The following CTBP2 variants were observed in gnomAD, a reference collection of about 807,000 sequenced individuals.
CTBP2 encodes the protein C-terminal binding protein 2, also known as C-terminal-binding protein 2.
CTBP2 carries 30 observed loss-of-function variants against 80.3 expected under a neutral mutation model. The ratio of observed to expected loss-of-function variants is 0.37; its 90% CI spans 0.28 to 0.51. The LOEUF (loss-of-function observed/expected upper bound fraction) is 0.51. CTBP2 is among the 20% of genes least tolerant of loss of function. The pLI, the probability that CTBP2 is intolerant of heterozygous loss-of-function variation, is 0.93. For missense variants in CTBP2, 1,212 were observed against 1,375.3 expected, an observed-to-expected ratio of 0.88 and a Z score of 1.88; for synonymous variants, 594 against 587.4, an observed-to-expected ratio of 1.01 and a Z score of -0.16.
intron 1 of CTBP2, among the ~76,000 whole-genome samples, chr10:125,008,502 G>A (rs1279680934): frequency 6.6e-6 from 1 of 152,228 alleles, no homozygotes; most frequent in Non-Finnish European, 1.5e-5. Flanking sequence ...GCAGGAGGGA[G>A]CCTCTGTGGA....
intron 2 of CTBP2, among the ~76,000 whole-genome samples, chr10:125,069,426 T>C (rs975284153): frequency 2.2e-4 from 33 of 152,268 alleles, no homozygotes; most frequent in African/African-American, 7.7e-4. Context: ...AAGACCAGCC[T>C]GGCCAACATG....
At chr10:125,108,929 G>C (rs1045312870) in intron 2 of CTBP2, among the ~76,000 whole-genome samples, 1 of 152,208 alleles carries the variant, frequency 6.6e-6, no homozygotes, top group Non-Finnish European at 1.5e-5. Context: ...CCCACATAAG[G>C]GTAAGTGTCT....
chr10:125,051,537 G>A (rs969157829), intron 2 of CTBP2, among the ~76,000 whole-genome samples: 4 of 152,100 alleles, frequency 2.6e-5, no homozygotes, highest in African/African-American at 4.8e-5. Flanking sequence ...CTACTCAGGA[G>A]GCTGAGGCAG....
rs1468255735 is a variant in CTBP2, at chr10:124,985,823, G to A, written c.*3695C>T. On this transcript the variant is annotated 3_prime_UTR_variant, in exon 9 of 9. Coordinates refer to ENST00000309035, the MANE Select transcript of CTBP2 (RefSeq NM_022802.3). ...CCACTTGTCACTAAATGAATTGTGT[G>A]AAATGTGCTCACTTGGACTCCATCA... is the stretch of plus-strand genomic sequence containing the variant. 1 of 152,198 alleles carries A rather than the reference G, an allele frequency of 6.6e-6. No individual in the cohort carries two copies. The highest frequency in any genetic ancestry group is 1.5e-5 in the Non-Finnish European group (1 of 68,038). The allele number at this position is 152,198 out of a possible 1,614,324, so 9.4% of individuals were successfully genotyped here.
chr10:125,041,346 G>A (rs1959686276), intron 2 of CTBP2, among the ~76,000 whole-genome samples: 1 of 152,226 alleles, frequency 6.6e-6, no homozygotes, highest in Non-Finnish European at 1.5e-5. Flanking sequence ...GCCTCCCAAA[G>A]TGCTGGGATT....
intron 2 of CTBP2, among the ~76,000 whole-genome samples, chr10:125,060,463 CGTGTGTGTGT>C (rs56032803): frequency 0.042 from 6,278 of 147,946 alleles, 158 homozygotes; most frequent in Non-Finnish European, 0.056. Context: ...ATTCCCCCCA[CGTGTGTGTGT>C]GTGTGTGTGT....
intron 1 of CTBP2, among the ~76,000 whole-genome samples, chr10:125,125,309 T>C (rs1032542825): frequency 2.0e-5 from 3 of 152,202 alleles, no homozygotes; most frequent in Non-Finnish European, 4.4e-5. Context: ...CACCATGCTA[T>C]ATTTAAACAC....
At chr10:125,161,535 C>A (rs1362474305), upstream of CTBP2, among the ~76,000 whole-genome samples, 1 of 152,034 alleles carries the variant, frequency 6.6e-6, no homozygotes, top group Non-Finnish European at 1.5e-5. Flanking sequence ...CTTCTGCCTT[C>A]TCAGGCCCGC....
At position 124,987,559 on chromosome 10, in the gene CTBP2, T is replaced by TTGA. The variant is rs1952086672; in HGVS notation, c.*1956_*1958dup. ...TTTTCACGCATATTTCATTGCCTCTTTGATGAGTGGTTACGAAGACGTTAA... is the reference window on the plus strand; with the variant it reads ...TTTTCACGCATATTTCATTGCCTCTTTGATGATGAGTGGTTACGAAGACGTTAA... On this transcript the variant is annotated 3_prime_UTR_variant, in exon 9 of 9. Transcript: ENST00000309035. 1 of 152,138 alleles carries TTGA rather than the reference T, an allele frequency of 6.6e-6. No individual in the cohort carries two copies. Among genetic ancestry groups the TTGA allele is most frequent in the South Asian group, 2.1e-4 (1 of 4,830 alleles). The allele number at this position is 152,138 out of a possible 1,614,324, so 9.4% of individuals were successfully genotyped here.
At chr10:125,029,882 G>A (rs1411165108), upstream of CTBP2, among the ~76,000 whole-genome samples, 5 of 152,178 alleles carry the variant, frequency 3.3e-5, no homozygotes, top group Non-Finnish European at 7.3e-5. Context: ...CTTCAGAGAG[G>A]TTACTGAGCT....
intron 8 of CTBP2, 34 bp downstream of exon 10, chr10:124,992,661 C>T (rs1211516463): frequency 6.5e-7 from 1 of 1,534,674 alleles, no homozygotes. Context: ...CCGTGGTGCT[C>T]ACAAGCTGAG....
At position 124,984,680 on chromosome 10, in the gene CTBP2, G is replaced by A; in HGVS notation, c.*4838C>T. 1 of 1,308,328 alleles carries A rather than the reference G, an allele frequency of 7.6e-7. No individual in the cohort carries two copies. The allele number at this position is 1,308,328 out of a possible 1,614,324, so 81.0% of individuals were successfully genotyped here. A position where few individuals can be genotyped will look rare whatever the true frequency, so the allele number is the denominator to read the frequency against. ...GTTGATTGCTTTGGCCTTTTCATGAGTTAGCATACCAGCTGTAGGTTTCCA... is the reference window on the plus strand; with the variant it reads ...GTTGATTGCTTTGGCCTTTTCATGAATTAGCATACCAGCTGTAGGTTTCCA... On this transcript the variant is annotated 3_prime_UTR_variant, in exon 9 of 9. Transcript: ENST00000309035.
At chr10:125,145,657 C>CT (rs1858632760) in intron 1 of CTBP2, among the ~76,000 whole-genome samples, 1 of 152,270 alleles carries the variant, frequency 6.6e-6, no homozygotes, top group Non-Finnish European at 1.5e-5. Context: ...ACCATAACTA[C>CT]TGGGATTGCC....
At chr10:125,146,540 C>T (rs543382368) in intron 1 of CTBP2, among the ~76,000 whole-genome samples, 1 of 152,204 alleles carries the variant, frequency 6.6e-6, no homozygotes, top group Non-Finnish European at 1.5e-5. Context: ...GCCTCAGCCT[C>T]CCAAAGTGCT....
At chr10:125,031,852 C>T (rs1487789996), upstream of CTBP2, among the ~76,000 whole-genome samples, 2 of 152,212 alleles carry the variant, frequency 1.3e-5, no homozygotes, top group African/African-American at 2.4e-5. Flanking sequence ...AGGAGAGTGA[C>T]GTCGAGTGTC....
chr10:125,064,606 G>C (rs931773645), intron 2 of CTBP2, among the ~76,000 whole-genome samples: 1 of 152,204 alleles, frequency 6.6e-6, no homozygotes, highest in Non-Finnish European at 1.5e-5. Context: ...GTCAGAGTGC[G>C]TGCTCTGAAT....
At chr10:125,107,655 T>C (rs1038265876) in intron 2 of CTBP2, among the ~76,000 whole-genome samples, 11 of 152,164 alleles carry the variant, frequency 7.2e-5, no homozygotes, top group Non-Finnish European at 1.6e-4. Context: ...TCCAGCCTAG[T>C]TCCCACAGCA....
At chr10:125,098,475 G>A (rs920488391) in intron 2 of CTBP2, among the ~76,000 whole-genome samples, 3 of 152,082 alleles carry the variant, frequency 2.0e-5, no homozygotes, top group African/African-American at 7.2e-5. Context: ...GTTGATGTGT[G>A]TTTAACAGCC....
At chr10:125,033,319 A>T (rs1375020456) in intron 3 of CTBP2, among the ~76,000 whole-genome samples, 2 of 152,224 alleles carry the variant, frequency 1.3e-5, no homozygotes, top group Non-Finnish European at 2.9e-5. Context: ...GGGCTGAGAA[A>T]GGCACGTGAG....
Sources: gnomAD v4.1 joint callset for allele counts (sites outside exome capture counted in the v4.1 genomes callset) on GRCh38, gnomAD v4.1.1 for gene constraint, MANE v1.5 for transcripts, NCBI Gene and HGNC (gene_info 2026-07-23, HGNC 2026-07-21) for gene names.